DOP1A: variants seen among roughly 807,000 people sequenced by gnomAD.
The protein encoded by DOP1A is DOP1 leucine zipper like protein A.
Under a neutral mutation model 267.6 loss-of-function variants are expected in DOP1A, and 90 were observed. That is an observed-to-expected ratio of 0.34 (90% CI 0.28 to 0.40). The LOEUF (loss-of-function observed/expected upper bound fraction) is 0.40, where lower values mean the gene tolerates loss of function less well. Among genes scored for constraint, DOP1A ranks in the 10% least tolerant of loss-of-function variants. The probability of loss-of-function intolerance (pLI) is 1.00; values close to 1 mark genes in which losing one functional copy is unlikely to be tolerated. For synonymous variants in DOP1A, 932 were observed against 999.1 expected (o/e 0.93, Z 1.27); for missense variants, 2,437 against 2,900.4 (o/e 0.84, Z 3.67).
At chr6:83,075,428 G>A (rs987342943) in intron 1 of DOP1A, among the ~76,000 whole-genome samples, 6 of 152,156 alleles carry the variant, frequency 3.9e-5, no homozygotes, top group Non-Finnish European at 7.3e-5. Context: ...CAGGAAGGAG[G>A]TGTATATGTG....
At position 83,145,599 on chromosome 6, in the gene DOP1A, A is replaced by G. The variant is rs767069568; in HGVS notation, c.5617A>G (p.Thr1873Ala). ...VRSISVMRAE[T>A]VIQTVKEVLK... ...TTCAATCAGTGTCATGAGAGCAGAAACTGTTATCCAGACTGTAAAAGAAGT... is the reference window on the plus strand; with the variant it reads ...TTCAATCAGTGTCATGAGAGCAGAAGCTGTTATCCAGACTGTAAAAGAAGT... The change falls in exon 25 of 39, where the codon ACT becomes GCT. Residue 1873 changes from threonine to alanine, a missense_variant. Thr to Ala is a moderately conservative substitution (Grantham distance 58). Around this residue, in one of 9 missense-constraint regions of DOP1A, gnomAD observed 307 missense variants for 308.6 expected, o/e 0.99. Coordinates refer to ENST00000349129, the MANE Select transcript of DOP1A (RefSeq NM_015018.4). The G allele has an allele frequency of 5.0e-6, 8 of 1,613,338 alleles. No homozygotes were observed. Among genetic ancestry groups the G allele is most frequent in the Non-Finnish European group, 6.8e-6 (8 of 1,179,666 alleles).
chr6:83,137,679 A>G lies in DOP1A; in HGVS notation c.3637A>G (p.Ser1213Gly). Reference sequence around the variant, plus strand: ...TCAGAATGCTTTGCTGAGTAATGAAAGTTCTCAGTTTCTGTCTGTGTCTGC... The same window carrying G: ...TCAGAATGCTTTGCTGAGTAATGAAGGTTCTCAGTTTCTGTCTGTGTCTGC... ...QSQNALLSNE[S>G]SQFLSVSAEG... Residue 1213 changes from serine (S) to glycine (G), a missense_variant, in exon 21 of 39, where the codon AGT becomes GGT. Physicochemically the swap from Ser to Gly is moderately conservative, Grantham distance 56. Around this residue, in one of 9 missense-constraint regions of DOP1A, gnomAD observed 878 missense variants for 992.9 expected, o/e 0.88. Transcript: ENST00000349129. The G allele has an allele frequency of 3.7e-6, 6 of 1,613,622 alleles. No homozygotes were observed. Among genetic ancestry groups the G allele is most frequent in the Non-Finnish European group, 5.1e-6 (6 of 1,179,774 alleles).
At chr6:83,084,463 A>G (rs1253898527) in intron 1 of DOP1A, among the ~76,000 whole-genome samples, 2 of 152,236 alleles carry the variant, frequency 1.3e-5, no homozygotes, top group Admixed American at 6.5e-5. Flanking sequence ...AAATAAGTAC[A>G]TAAAGTATAA....
intron 4 of DOP1A, among the ~76,000 whole-genome samples, chr6:83,102,078 C>T (rs771995914): frequency 2.8e-4 from 42 of 152,198 alleles, no homozygotes; most frequent in Non-Finnish European, 5.4e-4. Flanking sequence ...TAAACTCCTG[C>T]TTGCTTGACA....
At chr6:83,125,140 C>T (rs1311308364) in intron 13 of DOP1A, 26 bp from the exon 14 acceptor site, 5 of 1,574,672 alleles carry the variant, frequency 3.2e-6, no homozygotes, top group Middle Eastern at 3.3e-4. Context: ...TTTCTCTCCT[C>T]ACTTCTTTGC....
chr6:83,068,921 C>T (rs889946842), intron 1 of DOP1A, among the ~76,000 whole-genome samples: 1 of 152,178 alleles, frequency 6.6e-6, no homozygotes, highest in Non-Finnish European at 1.5e-5. Context: ...CAAATCTCCA[C>T]GTGGGCTTGA....
At chr6:83,075,694 T>C (rs1766964576) in intron 1 of DOP1A, among the ~76,000 whole-genome samples, 1 of 152,196 alleles carries the variant, frequency 6.6e-6, no homozygotes, top group South Asian at 2.1e-4. Context: ...AACACTAGTT[T>C]ATACGGTCCA....
chr6:83,162,531 AAAGT>A (rs1486327326), intron 37 of DOP1A, among the ~76,000 whole-genome samples: 1 of 152,204 alleles, frequency 6.6e-6, no homozygotes, highest in East Asian at 1.9e-4. Context: ...ACTCATGAAA[AAAGT>A]AATGATGAGT....
At chr6:83,108,220 C>T (rs990660277) in intron 4 of DOP1A, among the ~76,000 whole-genome samples, 1 of 152,170 alleles carries the variant, frequency 6.6e-6, no homozygotes, top group Non-Finnish European at 1.5e-5. Flanking sequence ...CACTCTGTCA[C>T]CCTGGCTGGA....
In DOP1A at chr6:83,158,801, A is replaced by G. The variant is rs924885031; in HGVS notation, c.6797+179A>G. ...TTCCTTAAGCCCTTTAGATTGGATT[A>G]AGCCATCAGCATTCATTGCCCTGGG... On this transcript the variant is annotated intron_variant, in intron 36 of 38. Transcript: ENST00000349129. Among the ~76,000 whole-genome samples the G allele has an allele frequency of 2.2e-4, 34 of 152,338 alleles. 1 individual carries two copies. Among genetic ancestry groups the G allele is most frequent in the African/African-American group, 6.7e-4 (28 of 41,578 alleles).
chr6:83,085,740 A>G (rs1769041770), intron 1 of DOP1A, among the ~76,000 whole-genome samples: 1 of 152,130 alleles, frequency 6.6e-6, no homozygotes, highest in Non-Finnish European at 1.5e-5. Flanking sequence ...GACCAGGACA[A>G]GCTTTGAGGA....
chr6:83,120,501 T>C (rs1776190718), intron 9 of DOP1A, among the ~76,000 whole-genome samples, 182 bp from the exon 10 acceptor site: 1 of 151,902 alleles, frequency 6.6e-6, no homozygotes, highest in Non-Finnish European at 1.5e-5. Flanking sequence ...TTTCTCAAGA[T>C]AGATAAATAA....
intron 14 of DOP1A, 141 bp from the exon 15 acceptor site, chr6:83,125,354 TAATAA>T (rs767867422): frequency 4.3e-5 from 43 of 1,007,614 alleles, no homozygotes; most frequent in Non-Finnish European, 5.6e-5. Context: ...AAGGCATCAG[TAATAA>T]AATATACAGT....
chr6:83,123,354 T>A (rs1452799186), intron 12 of DOP1A, among the ~76,000 whole-genome samples: 1 of 152,092 alleles, frequency 6.6e-6, no homozygotes, highest in African/African-American at 2.4e-5. Flanking sequence ...TTGGCCTGAC[T>A]TGTGTTTTTA....
intron 34 of DOP1A, among the ~76,000 whole-genome samples, chr6:83,156,815 ACT>A (rs1782901969): frequency 6.6e-6 from 1 of 152,168 alleles, no homozygotes; most frequent in African/African-American, 2.4e-5. Flanking sequence ...CAAAATGTAC[ACT>A]ATTTGTCCCT....
At chr6:83,078,193 A>T (rs1767454398) in intron 1 of DOP1A, among the ~76,000 whole-genome samples, 1 of 152,200 alleles carries the variant, frequency 6.6e-6, no homozygotes, top group Non-Finnish European at 1.5e-5. Flanking sequence ...AAGTGTGAAT[A>T]AGATTGAAGG....
At chr6:83,141,690 A>T (rs1779669890) in intron 23 of DOP1A, among the ~76,000 whole-genome samples, 1 of 152,184 alleles carries the variant, frequency 6.6e-6, no homozygotes, top group South Asian at 2.1e-4. Context: ...TTTCACAGTG[A>T]ATAGACTTTT....
Position 83,135,784 on chromosome 6 carries a change from G to A in DOP1A, c.3036G>A (p.Gln1012=). Residue 1012 remains glutamine (Q), a synonymous_variant, in exon 20 of 39, where the codon CAG becomes CAA. Transcript: ENST00000349129. ...CAAAAACTCAGAGGGTTTCAGTACAGCGTGTACAAGCAGAACGTTATTGGA... is the reference window on the plus strand; with the variant it reads ...CAAAAACTCAGAGGGTTTCAGTACAACGTGTACAAGCAGAACGTTATTGGA... ...LHPKTQRVSV[Q]RVQAERYWNK... is the part of the protein sequence containing the mutation. The A allele has an allele frequency of 1.2e-6, 2 of 1,613,664 alleles. No individual in the cohort carries two copies. Among genetic ancestry groups the A allele is most frequent in the Admixed American group, 1.7e-5 (1 of 59,984 alleles).
At chr6:83,163,305 C>T (rs1384340128) in intron 38 of DOP1A, among the ~76,000 whole-genome samples, 1 of 152,002 alleles carries the variant, frequency 6.6e-6, no homozygotes, top group Non-Finnish European at 1.5e-5. Flanking sequence ...TAATGTTCAT[C>T]TTAATGCCAT....
Sources: gnomAD v4.1 joint callset for allele counts (sites outside exome capture counted in the v4.1 genomes callset) on GRCh38, gnomAD v4.1.1 for gene constraint, gnomAD v4.1.1 regional missense constraint, MANE v1.5 for transcripts, NCBI Gene and HGNC (gene_info 2026-07-23, HGNC 2026-07-21) for gene names.